SYN2: variants seen among roughly 807,000 people sequenced by gnomAD.
The protein encoded by SYN2 is synapsin II, also known as synapsin-2.
In SYN2, 19 loss-of-function variants were observed where a neutral mutation model predicts 50.9. The observed-to-expected ratio is 0.37, with a 90% CI of 0.26 to 0.55. The LOEUF (loss-of-function observed/expected upper bound fraction) is 0.55, where lower values mean the gene tolerates loss of function less well. SYN2 is among the 20% of genes least tolerant of loss of function. The probability of loss-of-function intolerance (pLI) is 0.81; values close to 1 mark genes in which losing one functional copy is unlikely to be tolerated. For missense variants in SYN2, 587 were observed against 576.4 expected, an observed-to-expected ratio of 1.02 and a Z score of -0.19; for synonymous variants, 255 against 224.9, an observed-to-expected ratio of 1.13 and a Z score of -1.20.
chr3:12,168,593 A>G, intron 9 of SYN2, 115 bp downstream of exon 9: 1 of 871,448 alleles, frequency 1.1e-6, no homozygotes, highest in South Asian at 1.6e-5. Context: ...CAGCAAGATC[A>G]GTGGGTAGCT....
intron 10 of SYN2, among the ~76,000 whole-genome samples, chr3:12,171,016 G>A (rs1339978664): frequency 6.6e-6 from 1 of 152,180 alleles, no homozygotes; most frequent in Non-Finnish European, 1.5e-5. Context: ...TCTTTGAGTA[G>A]AATACTTCCG....
intron 11 of SYN2, 93 bp downstream of exon 11, chr3:12,183,465 A>G (rs1698268565): frequency 6.2e-7 from 1 of 1,609,102 alleles, no homozygotes; most frequent in Non-Finnish European, 8.5e-7. Context: ...AATTTTTCAA[A>G]GCAGAAATTT....
intron 1 of SYN2, among the ~76,000 whole-genome samples, chr3:12,130,726 G>C (rs901096253): frequency 6.6e-6 from 1 of 152,220 alleles, no homozygotes; most frequent in African/African-American, 2.4e-5. Context: ...GTGAGGTTGA[G>C]TTGTTGGAGA....
intron 4 of SYN2, chr3:12,148,594 G>A (rs1414106924): frequency 6.6e-6 from 1 of 152,256 alleles, no homozygotes; most frequent in Non-Finnish European, 1.5e-5. Flanking sequence ...AAGCCACTGG[G>A]ATTTGGGGAG....
intron 1 of SYN2, among the ~76,000 whole-genome samples, chr3:12,049,532 T>TAATAAAA (rs71044257): frequency 0.23 from 34,776 of 150,216 alleles, 7,445 homozygotes; most frequent in African/African-American, 0.56. Context: ...AAAAAAAAAA[T>TAATAAAA]AATAAAAAAT....
At chr3:12,078,429 A>T (rs1423359008) in intron 1 of SYN2, among the ~76,000 whole-genome samples, 1 of 152,128 alleles carries the variant, frequency 6.6e-6, no homozygotes, top group Admixed American at 6.6e-5. Context: ...GGGATTTTAT[A>T]GTTTTGGATT....
At chr3:12,043,159 AC>A (rs377193982) in intron 1 of SYN2, among the ~76,000 whole-genome samples, 31 of 151,954 alleles carry the variant, frequency 2.0e-4, no homozygotes, top group African/African-American at 3.4e-4. Flanking sequence ...AGTAGGTGGG[AC>A]TACTAGTGAG....
rs958576163 is a variant in SYN2 at position 12,169,835 on chromosome 3, A to G, written c.1237A>G (p.Lys413Glu). The G allele has an allele frequency of 1.2e-6, 2 of 1,613,916 alleles. No homozygotes were observed. The highest frequency in any genetic ancestry group is 1.7e-6 in the Non-Finnish European group (2 of 1,179,852). ...ACTCATCACCGAACTAGTCATCAGC[A>G]AGATGAACCAGCTGCTGTCCAGGAC... ...RQLITELVIS[K>E]MNQLLSRTPA... Residue 413 changes from lysine (K) to glutamate (E), a missense_variant, in exon 10 of 13, where the codon AAG (lysine) becomes GAG (glutamate). Lys to Glu is a moderately conservative substitution (Grantham distance 56, BLOSUM62 1). Coordinates refer to ENST00000621198, the MANE Select transcript of SYN2 (RefSeq NM_133625.6).
intron 1 of SYN2, among the ~76,000 whole-genome samples, chr3:12,110,393 G>T (rs1696285489): frequency 6.6e-6 from 1 of 152,126 alleles, no homozygotes; most frequent in Admixed American, 6.5e-5. Flanking sequence ...GCTTTTCCGG[G>T]CACTTGGTGC....
intron 7 of SYN2, among the ~76,000 whole-genome samples, 168 bp downstream of exon 7, chr3:12,162,322 A>G (rs1405708725): frequency 6.6e-6 from 1 of 152,194 alleles, no homozygotes; most frequent in Non-Finnish European, 1.5e-5. Flanking sequence ...ATGAGAAAAT[A>G]TATTAATATT....
At chr3:12,158,588 A>C in intron 5 of SYN2, 1 of 1,468,782 alleles carries the variant, frequency 6.8e-7, no homozygotes, top group Non-Finnish European at 9.2e-7. Context: ...GCAAGAGACA[A>C]CCGGTAAGAA....
At chr3:12,153,726 C>T in intron 5 of SYN2, 2 of 1,614,098 alleles carry the variant, frequency 1.2e-6, no homozygotes, top group Non-Finnish European at 1.7e-6. Context: ...GAGTCATGGC[C>T]ACACAACATT....
intron 1 of SYN2, among the ~76,000 whole-genome samples, chr3:12,125,842 GAAA>G (rs5846749): frequency 8.0e-5 from 11 of 138,008 alleles, no homozygotes; most frequent in Non-Finnish European, 9.2e-5. Context: ...GTCTAAAAGT[GAAA>G]AAAAAAAAAA....
chr3:12,010,100 A>C (rs1693885532), intron 1 of SYN2, among the ~76,000 whole-genome samples: 1 of 152,196 alleles, frequency 6.6e-6, no homozygotes, highest in Non-Finnish European at 1.5e-5. Flanking sequence ...ATCTCCAAAA[A>C]AATAAATAAA....
intron 1 of SYN2, among the ~76,000 whole-genome samples, chr3:12,024,798 AC>A (rs1174330417): frequency 6.6e-6 from 1 of 152,124 alleles, no homozygotes; most frequent in African/African-American, 2.4e-5. Flanking sequence ...CTGGGTGTGT[AC>A]CCAGGAGTGG....
At chr3:12,044,179 T>TCACACACA (rs1436934204) in intron 1 of SYN2, among the ~76,000 whole-genome samples, 2 of 60,894 alleles carry the variant, frequency 3.3e-5, no homozygotes, top group Non-Finnish European at 8.0e-5. Flanking sequence ...TCTCTCTCTC[T>TCACACACA]CTCACACACA....
intron 12 of SYN2, among the ~76,000 whole-genome samples, chr3:12,188,984 C>T (rs182465867): frequency 7.9e-4 from 120 of 152,352 alleles, no homozygotes; most frequent in Non-Finnish European, 1.2e-3. Flanking sequence ...TCTGCCTGTG[C>T]GGGCTGAGGA....
intron 1 of SYN2, among the ~76,000 whole-genome samples, chr3:12,042,164 G>A (rs1477803040): frequency 6.6e-6 from 1 of 152,178 alleles, no homozygotes; most frequent in African/African-American, 2.4e-5. Flanking sequence ...GCATGTATCA[G>A]TATATTTGGT....
In SYN2 at chr3:12,028,475, A is replaced by G. The variant is rs377645240; in HGVS notation, c.377+23547A>G. Among the ~76,000 whole-genome samples the G allele has an allele frequency of 5.2e-4, 77 of 149,392 alleles. 1 individual carries two copies. In the East Asian group the frequency reaches 0.011, roughly 21 times the overall value. ...CACTGACTTCCACAATGGTTGAACTAGTTTACAGTCCCACCAACAGTGTAA... is the reference window on the plus strand; with the variant it reads ...CACTGACTTCCACAATGGTTGAACTGGTTTACAGTCCCACCAACAGTGTAA... On this transcript the variant is annotated intron_variant, in intron 1 of 12. Coordinates refer to ENST00000621198, the MANE Select transcript of SYN2 (RefSeq NM_133625.6).
Sources: allele counts gnomAD v4.1 joint callset (sites outside exome capture counted in the v4.1 genomes callset), GRCh38; gene constraint gnomAD v4.1.1; transcripts MANE v1.5; gene names NCBI Gene and HGNC (gene_info 2026-07-23, HGNC 2026-07-21).